MSH3: variants seen among roughly 807,000 people sequenced by gnomAD.
The protein encoded by MSH3 is mutS homolog 3.
MSH3 carries 106 observed loss-of-function variants against 123.3 expected under a neutral mutation model. The ratio of observed to expected loss-of-function variants is 0.86; its 90% CI spans 0.73 to 1.01. MSH3 has a LOEUF of 1.01. Ranked by LOEUF, MSH3 falls within the 50% of genes least tolerant of loss-of-function variation. The pLI is 0.00. For missense variants in MSH3, 1,459 were observed against 1,347.6 expected (o/e 1.08, Z -1.29); for synonymous variants, 515 against 481.4 (o/e 1.07, Z -0.91).
At chr5:80,805,578 G>A (rs1308621315) in intron 19 of MSH3, among the ~76,000 whole-genome samples, 3 of 71,084 alleles carry the variant, frequency 4.2e-5, no homozygotes, top group South Asian at 1.2e-3. Flanking sequence ...TCAATATGAT[G>A]CCCCCCCCCC....
intron 13 of MSH3, among the ~76,000 whole-genome samples, chr5:80,767,338 A>G (rs1283133241): frequency 6.6e-6 from 1 of 152,194 alleles, no homozygotes; most frequent in Non-Finnish European, 1.5e-5. Flanking sequence ...CTAAGAGTAT[A>G]TAAAAGTGTC....
chr5:80,785,597 C>A (rs984241502), intron 17 of MSH3, among the ~76,000 whole-genome samples: 3 of 152,136 alleles, frequency 2.0e-5, no homozygotes, highest in Admixed American at 2.0e-4. Context: ...CCCAGCCATC[C>A]CATTACTGGG....
At chr5:80,729,413 CAA>C (rs71603562) in intron 10 of MSH3, among the ~76,000 whole-genome samples, 3 of 66,286 alleles carry the variant, frequency 4.5e-5, no homozygotes, top group African/African-American at 1.2e-4. Flanking sequence ...GACTCCGTCC[CAA>C]AAAAAAAAAA....
At chr5:80,708,438 T>C (rs1750767551) in intron 8 of MSH3, among the ~76,000 whole-genome samples, 1 of 151,854 alleles carries the variant, frequency 6.6e-6, no homozygotes, top group South Asian at 2.1e-4. Context: ...TCATTTTGTC[T>C]TTGTTTTTAA....
chr5:80,773,806 C>T (rs745637376), intron 15 of MSH3, among the ~76,000 whole-genome samples: 39 of 152,248 alleles, frequency 2.6e-4, no homozygotes, highest in Admixed American at 6.5e-4. Flanking sequence ...CTTGCTCTGT[C>T]GTCCAGGCTG....
At chr5:80,671,740 G>A (rs1749728585) in intron 4 of MSH3, among the ~76,000 whole-genome samples, 1 of 152,138 alleles carries the variant, frequency 6.6e-6, no homozygotes, top group Admixed American at 6.5e-5. Flanking sequence ...ATCACATGGT[G>A]CTTCATGGTT....
chr5:80,819,434 A>ATG (rs1238408340), intron 20 of MSH3, among the ~76,000 whole-genome samples: 3 of 92,740 alleles, frequency 3.2e-5, no homozygotes, highest in Non-Finnish European at 4.5e-5. Context: ...ATGTGTGTGT[A>ATG]TATATATGTA....
At chr5:80,815,410 A>G (rs965165683) in intron 20 of MSH3, among the ~76,000 whole-genome samples, 1 of 152,150 alleles carries the variant, frequency 6.6e-6, no homozygotes, top group African/African-American at 2.4e-5. Context: ...ATTATTGGTC[A>G]ATATAAGGGG....
intron 20 of MSH3, among the ~76,000 whole-genome samples, chr5:80,850,902 G>C (rs187978839): frequency 6.6e-6 from 1 of 152,034 alleles, no homozygotes; most frequent in South Asian, 2.1e-4. Flanking sequence ...AACATTACTC[G>C]AGTTATTATA....
intron 10 of MSH3, among the ~76,000 whole-genome samples, chr5:80,738,798 C>T (rs1743560375): frequency 6.6e-6 from 1 of 152,190 alleles, no homozygotes; most frequent in South Asian, 2.1e-4. Flanking sequence ...CTAATGACTA[C>T]TGTGGATATA....
In MSH3 at chr5:80,654,871, C is replaced by T. The variant is rs747024539; in HGVS notation, c.144C>T (p.Asp48=). The T allele has an allele frequency of 1.5e-5, 24 of 1,577,356 alleles. No homozygotes were observed. In the East Asian group the frequency reaches 2.1e-4, roughly 14 times the overall value. The change falls in exon 1 of 24, where the codon GAC becomes GAT. Residue 48 remains aspartate (D), a synonymous_variant. Coordinates refer to ENST00000265081, the MANE Select transcript of MSH3 (RefSeq NM_002439.5). ...SSSTGAADQV[D]PGAAAAAAAA... ...CCACAGGTGCAGCCGACCAGGTGGA[C>T]CCTGGCGCTGCAGCGGCTGCAGCGG... is the stretch of plus-strand genomic sequence containing the variant.
chr5:80,725,426 C>CA, intron 8 of MSH3, 27 bp from the exon 9 acceptor site: 1 of 1,515,216 alleles, frequency 6.6e-7, no homozygotes, highest in Non-Finnish European at 9.2e-7. Context: ...GATAAGTTAT[C>CA]TTTGAAATTT....
At position 80,813,571 on chromosome 5, in the gene MSH3, T is replaced by G. The variant is rs779637475; in HGVS notation, c.2656-13T>G. Reference sequence around the variant, plus strand: ...TTCTGGTACAATAAGTGAAATTCCTTTCTAATTTTCAGGAGGACTCAGAGA... The same window carrying G: ...TTCTGGTACAATAAGTGAAATTCCTGTCTAATTTTCAGGAGGACTCAGAGA... On this transcript the variant is annotated splice_polypyrimidine_tract_variant and intron_variant, in intron 19 of 23. Transcript: ENST00000265081. 1 of 1,614,002 alleles carries G rather than the reference T, an allele frequency of 6.2e-7. No individual in the cohort carries two copies. The highest frequency in any genetic ancestry group is 8.5e-7 in the Non-Finnish European group (1 of 1,179,908).
At chr5:80,693,090 G>T (rs1361050431) in intron 8 of MSH3, among the ~76,000 whole-genome samples, 3 of 120,568 alleles carry the variant, frequency 2.5e-5, no homozygotes, top group Non-Finnish European at 3.5e-5. Flanking sequence ...TGTTTATATA[G>T]ATAAATATAC....
chr5:80,836,489 A>C (rs572338105), intron 20 of MSH3, among the ~76,000 whole-genome samples: 7 of 149,192 alleles, frequency 4.7e-5, no homozygotes, highest in Non-Finnish European at 1.0e-4. Flanking sequence ...TAATGGAACC[A>C]TGAGAACACA....
intron 20 of MSH3, among the ~76,000 whole-genome samples, chr5:80,843,695 G>A (rs1745667463): frequency 6.6e-6 from 1 of 152,154 alleles, no homozygotes; most frequent in Non-Finnish European, 1.5e-5. Flanking sequence ...TTTGCATAGA[G>A]GTGTTTATAA....
chr5:80,747,151 G>C (rs769326645), intron 12 of MSH3, among the ~76,000 whole-genome samples: 3 of 152,206 alleles, frequency 2.0e-5, no homozygotes, highest in Non-Finnish European at 4.4e-5. Context: ...CATTGTGGCT[G>C]CTGGAAAGGC....
rs186384128 is a variant in MSH3 at position 80,833,182 on chromosome 5, A to G, written c.2813+19441A>G. Among the ~76,000 whole-genome samples, 43 of 152,198 alleles carry G rather than the reference A, an allele frequency of 2.8e-4. 1 individual carries two copies. Among genetic ancestry groups the G allele is most frequent in the Admixed American group, 1.5e-3 (23 of 15,294 alleles). On this transcript the variant is annotated intron_variant, in intron 20 of 23. Transcript: ENST00000265081. ...GAAAGATTAGTCAGCTGCCACTCCT[A>G]AAAATATCAGAGTGATTTTTTTTTT...
At chr5:80,776,155 G>C (rs1489203236) in intron 16 of MSH3, among the ~76,000 whole-genome samples, 9 of 152,164 alleles carry the variant, frequency 5.9e-5, no homozygotes. Flanking sequence ...CTCCCAAAGT[G>C]CTGGGATTAC....
Sources: gnomAD v4.1 joint callset for allele counts (sites outside exome capture counted in the v4.1 genomes callset) on GRCh38, gnomAD v4.1.1 for gene constraint, MANE v1.5 for transcripts, NCBI Gene and HGNC (gene_info 2026-07-23, HGNC 2026-07-21) for gene names.